NPAS3: variants seen among roughly 807,000 people sequenced by gnomAD.
The protein encoded by NPAS3 is neuronal PAS domain-containing protein 3.
In NPAS3, 14 loss-of-function variants were observed where a neutral mutation model predicts 73.1. The observed-to-expected ratio is 0.19, with a 90% CI of 0.13 to 0.30. NPAS3 has a LOEUF of 0.30. Among genes scored for constraint, NPAS3 ranks in the 10% least tolerant of loss-of-function variants. The pLI is 1.00. For missense variants in NPAS3, 1,096 were observed against 1,250.0 expected, an observed-to-expected ratio of 0.88 and a Z score of 1.86; for synonymous variants, 620 against 541.5, an observed-to-expected ratio of 1.14 and a Z score of -2.01.
chr14:33,071,814 C>T (rs951875222), intron 2 of NPAS3, among the ~76,000 whole-genome samples: 2 of 152,100 alleles, frequency 1.3e-5, no homozygotes, highest in African/African-American at 4.8e-5. Flanking sequence ...TGAAAAAATA[C>T]AAAGTAGTCA....
intron 5 of NPAS3, among the ~76,000 whole-genome samples, chr14:33,594,708 G>T (rs550017410): frequency 6.6e-6 from 1 of 152,172 alleles, no homozygotes; most frequent in Non-Finnish European, 1.5e-5. Context: ...CAGAAGGACC[G>T]ACTGCCTCTT....
intron 3 of NPAS3, among the ~76,000 whole-genome samples, chr14:33,293,484 T>C (rs2042178761): frequency 6.6e-6 from 1 of 152,214 alleles, no homozygotes; most frequent in South Asian, 2.1e-4. Context: ...AGTGATTTAA[T>C]GAGCATAATT....
intron 4 of NPAS3, among the ~76,000 whole-genome samples, chr14:33,539,439 A>AGGTT (rs2054407142): frequency 6.6e-6 from 1 of 152,108 alleles, no homozygotes; most frequent in African/African-American, 2.4e-5. Context: ...GGTCTTAGAC[A>AGGTT]AGTTACATTT....
intron 6 of NPAS3, among the ~76,000 whole-genome samples, chr14:33,697,309 TCA>T (rs1250084000): frequency 6.6e-6 from 1 of 152,216 alleles, no homozygotes; most frequent in African/African-American, 2.4e-5. Context: ...CAGCTTGGAC[TCA>T]CACAGCCAGA....
chr14:33,039,315 A>G (rs1378861842), intron 1 of NPAS3, among the ~76,000 whole-genome samples: 11 of 152,186 alleles, frequency 7.2e-5, no homozygotes, highest in African/African-American at 1.2e-4. Context: ...CTTGCTACCA[A>G]TAGAGGCCTA....
At chr14:33,563,741 A>G (rs2055783381) in intron 5 of NPAS3, among the ~76,000 whole-genome samples, 1 of 152,166 alleles carries the variant, frequency 6.6e-6, no homozygotes, top group Non-Finnish European at 1.5e-5. Flanking sequence ...TAGAGACTGA[A>G]TAACTTGTTA....
At chr14:33,518,651 A>G (rs1359837684) in intron 4 of NPAS3, among the ~76,000 whole-genome samples, 2 of 126,294 alleles carry the variant, frequency 1.6e-5, no homozygotes, top group Non-Finnish European at 3.2e-5. Flanking sequence ...AATTTCCTTG[A>G]CCTGGAATAC....
intron 5 of NPAS3, among the ~76,000 whole-genome samples, chr14:33,586,552 AT>A (rs1432083959): frequency 1.3e-5 from 2 of 152,208 alleles, no homozygotes; most frequent in African/African-American, 4.8e-5. Flanking sequence ...ATTTTAATAA[AT>A]TATGTTGCCT....
intron 5 of NPAS3, among the ~76,000 whole-genome samples, chr14:33,583,787 G>C (rs1230588614): frequency 6.6e-6 from 1 of 152,198 alleles, no homozygotes; most frequent in Non-Finnish European, 1.5e-5. Context: ...TTTAAGAAAA[G>C]TAGTGGATTA....
intron 3 of NPAS3, among the ~76,000 whole-genome samples, chr14:33,326,464 C>T (rs2043711328): frequency 6.6e-6 from 1 of 152,168 alleles, no homozygotes; most frequent in Admixed American, 6.5e-5. Context: ...TTTCTAGGGC[C>T]TCCATCTCCT....
chr14:33,005,078 C>T (rs544489293), intron 1 of NPAS3, among the ~76,000 whole-genome samples: 18 of 151,784 alleles, frequency 1.2e-4, no homozygotes, highest in African/African-American at 2.7e-4. Context: ...TGTAAGTAGA[C>T]GGAGTACACT....
intron 3 of NPAS3, among the ~76,000 whole-genome samples, chr14:33,229,042 C>T (rs2047744005): frequency 1.3e-5 from 2 of 152,138 alleles, no homozygotes; most frequent in African/African-American, 4.8e-5. Flanking sequence ...AATGTGATGA[C>T]ATTTAATGAG....
chr14:33,050,277 T>C (rs2040657103), intron 1 of NPAS3, among the ~76,000 whole-genome samples: 1 of 152,242 alleles, frequency 6.6e-6, no homozygotes, highest in Admixed American at 6.5e-5. Context: ...TTTTTTGTTT[T>C]AAGCTGGAAT....
chr14:33,285,139 T>C (rs2041821840), intron 3 of NPAS3, among the ~76,000 whole-genome samples: 1 of 152,138 alleles, frequency 6.6e-6, no homozygotes, highest in Admixed American at 6.6e-5. Context: ...AAATATCCAC[T>C]TGGCACTCAG....
chr14:33,564,709 A>AC (rs1171589147), intron 5 of NPAS3, among the ~76,000 whole-genome samples: 7 of 152,206 alleles, frequency 4.6e-5, no homozygotes, highest in Non-Finnish European at 1.0e-4. Context: ...CAGAGAATAC[A>AC]ATTGGACTCA....
intron 5 of NPAS3, among the ~76,000 whole-genome samples, chr14:33,570,559 G>A (rs570921653): frequency 6.6e-6 from 1 of 152,044 alleles, no homozygotes; most frequent in Non-Finnish European, 1.5e-5. Context: ...TGACGTTGCC[G>A]GGTTTGCAAA....
At chr14:33,793,917 G>A (rs532382208) in exon 10 of NPAS3, 9 of 1,613,598 alleles carry the variant, frequency 5.6e-6, no homozygotes, top group Admixed American at 1.7e-5. Context: ...GGGTCAGTGT[G>A]TGACAAAGTA....
chr14:33,684,333 A>G (rs911876267), intron 6 of NPAS3, among the ~76,000 whole-genome samples: 1 of 151,208 alleles, frequency 6.6e-6, no homozygotes, highest in East Asian at 2.0e-4. Flanking sequence ...TTTTGAGATG[A>G]TGGAGTCTCG....
intron 1 of NPAS3, among the ~76,000 whole-genome samples, chr14:32,958,978 G>A (rs1006370187): frequency 3.5e-5 from 5 of 144,416 alleles, no homozygotes; most frequent in African/African-American, 1.3e-4. Context: ...AATTGTCTTG[G>A]GCCACACATA....
Sources: allele counts gnomAD v4.1 joint callset (sites outside exome capture counted in the v4.1 genomes callset), GRCh38; gene constraint gnomAD v4.1.1; transcripts MANE v1.5; gene names NCBI Gene and HGNC (gene_info 2026-07-23, HGNC 2026-07-21).